RFTN1: variants seen among roughly 807,000 people sequenced by gnomAD.
RFTN1 encodes the protein raftlin.
Under a neutral mutation model 46.5 loss-of-function variants are expected in RFTN1, and 26 were observed. The ratio of observed to expected loss-of-function variants is 0.56; its 90% CI spans 0.41 to 0.78. The LOEUF is 0.78. RFTN1 is among the 30% of genes least tolerant of loss of function. RFTN1 has a pLI of 0.00. For synonymous variants in RFTN1, 261 were observed against 284.2 expected (o/e 0.92, Z 0.82); for missense variants, 693 against 718.7 (o/e 0.96, Z 0.41).
Position 16,501,631 on chromosome 3 carries a change from T to A in RFTN1, c.-8-7754A>T, listed in dbSNP as rs184153096. Reference sequence around the variant, plus strand: ...GATGCTGGATCAGCTGGCAACCCCATTTTTTATCTCTACACTCAAATTCTG... The same window carrying A: ...GATGCTGGATCAGCTGGCAACCCCAATTTTTATCTCTACACTCAAATTCTG... On this transcript the variant is annotated intron_variant, in intron 1 of 9. Transcript: ENST00000334133. 5.5e-4 allele frequency among the ~76,000 whole-genome samples: 84 copies of A among 152,304 alleles called. 1 individual carries two copies. The Middle Eastern group carries it at 0.014, about 25-fold the overall frequency.
Position 16,450,227 on chromosome 3 carries a change from C to G in RFTN1, c.146-16190G>C, listed in dbSNP as rs1465375802. Among the ~76,000 whole-genome samples the G allele has an allele frequency of 6.6e-6, 1 of 152,236 alleles. No homozygotes were observed. The highest frequency in any genetic ancestry group is 6.5e-5 in the Admixed American group (1 of 15,284). Reference sequence around the variant, plus strand: ...TCTACTAACTGCCAGAACAAGGGCTCATATCTTAAATTCTCCTCCCACCTC... The same window carrying G: ...TCTACTAACTGCCAGAACAAGGGCTGATATCTTAAATTCTCCTCCCACCTC... On this transcript the variant is annotated intron_variant, in intron 2 of 9. Coordinates refer to ENST00000334133, the MANE Select transcript of RFTN1 (RefSeq NM_015150.2). The surrounding 1 kb of genome is among the most constrained non-coding windows in gnomAD (Gnocchi z 4.6).
intron 4 of RFTN1, among the ~76,000 whole-genome samples, chr3:16,406,513 G>C (rs1376752562): frequency 6.6e-6 from 1 of 152,168 alleles, no homozygotes; most frequent in Non-Finnish European, 1.5e-5. Flanking sequence ...GAGACACTGC[G>C]GGTCAGAAAT....
At chr3:16,419,771 T>C (rs1383552713) in intron 3 of RFTN1, among the ~76,000 whole-genome samples, 4 of 151,624 alleles carry the variant, frequency 2.6e-5, no homozygotes, top group Non-Finnish European at 4.4e-5. Flanking sequence ...CCCAGGGGAG[T>C]TGTGAAGTAG....
rs369161861 is a variant in RFTN1 at position 16,326,915 on chromosome 3, C to T, written c.1147-39G>A. The T allele has an allele frequency of 4.7e-4, 706 of 1,507,592 alleles. 1 individual carries two copies. Among genetic ancestry groups the T allele is most frequent in the Non-Finnish European group, 6.2e-4 (676 of 1,091,062 alleles). 93.4% of individuals were successfully genotyped at this position (1,507,592 alleles called of 1,614,324 possible). A position where few individuals can be genotyped will look rare whatever the true frequency, so the allele number is the denominator to read the frequency against. ...GCCAGCATTAGGGCTGCTGCTGCCA[C>T]AAGCCAACTCCCAGGCAATGAGAGG... On this transcript the variant is annotated intron_variant, in intron 7 of 9. Transcript: ENST00000334133.
rs1473543294 is a variant in RFTN1, at chr3:16,344,555, T to C, written c.1146+13377A>G. On this transcript the variant is annotated intron_variant, in intron 7 of 9. Transcript: ENST00000334133. The surrounding 1 kb of genome is among the most constrained non-coding windows in gnomAD (Gnocchi z 4.4). ...CCCAAGAGCATCCATGTTCTTATTC[T>C]TAGATCCCAAGGGCCACCCAAGGTA... Among the ~76,000 whole-genome samples the C allele has an allele frequency of 6.6e-6, 1 of 152,136 alleles. No individual in the cohort carries two copies. Among genetic ancestry groups the C allele is most frequent in the African/African-American group, 2.4e-5 (1 of 41,422 alleles).
In RFTN1 at chr3:16,512,589, A is replaced by G. The variant is rs1482906987; in HGVS notation, c.-9+853T>C. On this transcript the variant is annotated intron_variant, in intron 1 of 9. Coordinates refer to ENST00000334133, the MANE Select transcript of RFTN1 (RefSeq NM_015150.2). This position sits in a 1 kb window ranked among gnomAD's most constrained non-coding sequence, Gnocchi z 4.3. ...GCCTGGTTCTACAACCTTGGCCTCC[A>G]CGCGGTTCTTGCTGCCAAAGGCAGC... Among the ~76,000 whole-genome samples the G allele has an allele frequency of 3.3e-5, 5 of 152,134 alleles. No homozygotes were observed. Among genetic ancestry groups the G allele is most frequent in the Non-Finnish European group, 7.4e-5 (5 of 68,026 alleles).
intron 3 of RFTN1, 42 bp from the exon 4 acceptor site, chr3:16,409,525 T>G: frequency 7.3e-6 from 10 of 1,368,462 alleles, no homozygotes; most frequent in African/African-American, 1.4e-5. Context: ...GATTAATATC[T>G]TGCATAATTT....
At chr3:16,439,324 T>C (rs546352554) in intron 2 of RFTN1, among the ~76,000 whole-genome samples, 20 of 152,360 alleles carry the variant, frequency 1.3e-4, no homozygotes, top group Admixed American at 1.1e-3. Context: ...ATACCAGTTG[T>C]AGCCTGTTGG....
At chr3:16,445,472 C>CTA (rs1432883596) in intron 2 of RFTN1, among the ~76,000 whole-genome samples, 1 of 94,922 alleles carries the variant, frequency 1.1e-5, no homozygotes, top group East Asian at 3.3e-4. Flanking sequence ...CTCTTTCTCT[C>CTA]TCTCTCTCTC....
chr3:16,482,848 G>A, intron 2 of RFTN1: 3 of 1,535,798 alleles, frequency 2.0e-6, no homozygotes, highest in Non-Finnish European at 2.6e-6. Context: ...CTGCCATGAA[G>A]ATGAAGGACT....
rs1272251567 is a variant in RFTN1, at chr3:16,410,152, C to T, written c.333-669G>A. ...TCATAGTAAGACCTCTAAGATGTAG[C>T]ATCATGTAAAACACATCATTATAGA... On this transcript the variant is annotated intron_variant, in intron 3 of 9. Coordinates refer to ENST00000334133, the MANE Select transcript of RFTN1 (RefSeq NM_015150.2). This position sits in a 1 kb window ranked among gnomAD's most constrained non-coding sequence, Gnocchi z 4.6. 6.6e-6 allele frequency among the ~76,000 whole-genome samples: 1 copy of T among 150,544 alleles called. No individual in the cohort carries two copies. Among genetic ancestry groups the T allele is most frequent in the Non-Finnish European group, 1.5e-5 (1 of 67,710 alleles).
intron 4 of RFTN1, among the ~76,000 whole-genome samples, chr3:16,395,954 T>C (rs2074457827): frequency 6.6e-6 from 1 of 152,208 alleles, no homozygotes; most frequent in African/African-American, 2.4e-5. Flanking sequence ...AAATATCTCA[T>C]TATATGTTGA....
chr3:16,373,699 T>C (rs1218823231), intron 5 of RFTN1, among the ~76,000 whole-genome samples: 1 of 152,040 alleles, frequency 6.6e-6, no homozygotes, highest in Non-Finnish European at 1.5e-5. Context: ...AAGGGCTAGA[T>C]GTGGGAGGAG....
chr3:16,372,911 CCTGATTGCA>C (rs2073583351), intron 5 of RFTN1, among the ~76,000 whole-genome samples: 1 of 152,170 alleles, frequency 6.6e-6, no homozygotes. Flanking sequence ...TTGGGAGAAA[CCTGATTGCA>C]CATGCATAAC....
intron 4 of RFTN1, among the ~76,000 whole-genome samples, chr3:16,390,993 G>A (rs1422261308): frequency 6.6e-6 from 1 of 151,944 alleles, no homozygotes; most frequent in African/African-American, 2.4e-5. Flanking sequence ...TTTTCTCTCT[G>A]AAGAATCTTT....
At chr3:16,389,187 T>C (rs923512787) in intron 4 of RFTN1, among the ~76,000 whole-genome samples, 3 of 152,242 alleles carry the variant, frequency 2.0e-5, no homozygotes, top group African/African-American at 7.2e-5. Flanking sequence ...CCATTGGGCA[T>C]TGCTATCCTA....
At chr3:16,493,303 C>T (rs2076571384) in intron 2 of RFTN1, among the ~76,000 whole-genome samples, 1 of 151,622 alleles carries the variant, frequency 6.6e-6, no homozygotes, top group Admixed American at 6.6e-5. Flanking sequence ...GTGATCTCGG[C>T]TCACTGCAAC....
Position 16,447,934 on chromosome 3 carries a change from A to AT in RFTN1, c.146-13898dup, listed in dbSNP as rs2075760774. On this transcript the variant is annotated intron_variant, in intron 2 of 9. Coordinates refer to ENST00000334133, the MANE Select transcript of RFTN1 (RefSeq NM_015150.2). This position sits in a 1 kb window ranked among gnomAD's most constrained non-coding sequence, Gnocchi z 5.9. The stretch of plus-strand genomic sequence containing the variant: ...TTGTGTGCTTATAAGGAATCTTTAG[A>AT]TTTTCTCTAATGTATTATTTCTTCC... Among the ~76,000 whole-genome samples the AT allele has an allele frequency of 6.6e-6, 1 of 151,900 alleles. No homozygotes were observed. Among genetic ancestry groups the AT allele is most frequent in the Non-Finnish European group, 1.5e-5 (1 of 67,984 alleles).
chr3:16,463,975 A>G (rs1028905257), intron 2 of RFTN1, among the ~76,000 whole-genome samples: 1 of 152,114 alleles, frequency 6.6e-6, no homozygotes, highest in African/African-American at 2.4e-5. Context: ...TGTGTTCACC[A>G]TGCCCCCACC....
Sources: allele counts gnomAD v4.1 joint callset (sites outside exome capture counted in the v4.1 genomes callset), GRCh38; gene constraint gnomAD v4.1.1; non-coding constraint Gnocchi (gnomAD v3.1); transcripts MANE v1.5; gene names NCBI Gene and HGNC (gene_info 2026-07-23, HGNC 2026-07-21).